UBA52: variants seen among roughly 807,000 people sequenced by gnomAD.
UBA52 encodes the protein ubiquitin A-52 residue ribosomal protein fusion product 1.
In UBA52, 1 loss-of-function variant was observed where a neutral mutation model predicts 15.3. The ratio of observed to expected loss-of-function variants is 0.07; its 90% confidence interval spans 0.02 to 0.31. UBA52 has a LOEUF of 0.31. UBA52 is among the 10% of genes least tolerant of loss of function. UBA52 has a pLI of 1.00. For missense variants in UBA52, 87 were observed against 168.0 expected, an observed-to-expected ratio of 0.52 and a Z score of 2.66; for synonymous variants, 50 against 58.3, an observed-to-expected ratio of 0.86 and a Z score of 0.65.
At position 18,573,761 on chromosome 19, in the gene UBA52, G is replaced by C; in HGVS notation, c.190+13G>C. Reference sequence around the variant, plus strand: ...AACATCCAGAAAGGTACCGGGGTTGGGGTTGCTGGGCAGGGACCCAAGATC... The same window carrying C: ...AACATCCAGAAAGGTACCGGGGTTGCGGTTGCTGGGCAGGGACCCAAGATC... On this transcript the variant is annotated intron_variant, in intron 3 of 4. Coordinates refer to ENST00000442744, the MANE Select transcript of UBA52 (RefSeq NM_001033930.3). 1 of 1,613,262 alleles carries C rather than the reference G, an allele frequency of 6.2e-7. No individual in the cohort carries two copies.
At chr19:18,568,812 G>A (rs1287356254), upstream of UBA52, 2 of 597,350 alleles carry the variant, frequency 3.3e-6, no homozygotes, top group Admixed American at 3.0e-5. Context: ...CTTTAATTCT[G>A]GCTCCTTCCT....
At chr19:18,569,258 C>T (rs1975404196), upstream of UBA52, 1 of 152,810 alleles carries the variant, frequency 6.5e-6, no homozygotes, top group South Asian at 2.1e-4. Flanking sequence ...TCTCTGAAGG[C>T]CTCCATGGAG....
chr19:18,574,650 A>AC (rs780668333), intron 3 of UBA52, among the ~76,000 whole-genome samples: 15 of 151,672 alleles, frequency 9.9e-5, no homozygotes, highest in Non-Finnish European at 2.2e-4. Flanking sequence ...TCAGTCTCAG[A>AC]CTCCCCCCAG....
rs1388258645 is a variant in UBA52, at chr19:18,574,984, C to G, written c.293+12C>G. 1.2e-6 allele frequency: 2 copies of G among 1,614,028 alleles called. No individual in the cohort carries two copies. Among genetic ancestry groups the G allele is most frequent in the African/African-American group, 2.7e-5 (2 of 74,880 alleles). ...ATGATCTGCCGCAAGTATGTGTGCT[C>G]CGATGCTTGGGGGGCTGTGGGGGCT... On this transcript the variant is annotated intron_variant, in intron 4 of 4. Transcript: ENST00000442744.
chr19:18,565,282 T>G, the UBA52 span: 1 of 958,674 alleles, frequency 1.0e-6, no homozygotes, highest in Non-Finnish European at 1.4e-6. Context: ...CAGGCTGGAG[T>G]GCAGTGGCGC....
upstream of UBA52, among the ~76,000 whole-genome samples, chr19:18,570,198 C>CTT (rs55896114): frequency 1.1e-3 from 156 of 148,162 alleles, 2 homozygotes; most frequent in Middle Eastern, 3.5e-3. Flanking sequence ...GTACTCAGCA[C>CTT]TTTTTTTTTT....
chr19:18,577,270 G>A lies in UBA52; in HGVS notation c.*2120G>A, dbSNP rs1203180893. On this transcript the variant is annotated 3_prime_UTR_variant, in exon 5 of 5. Transcript: ENST00000442744. The stretch of plus-strand genomic sequence containing the variant: ...TGAGTTCTTAACTGATCGAATGAAG[G>A]ATTCAAAATTAACCACTCCAAGGGG... 1 of 151,934 alleles carries A rather than the reference G, an allele frequency of 6.6e-6. No homozygotes were observed. Among genetic ancestry groups the A allele is most frequent in the African/African-American group, 2.4e-5 (1 of 41,330 alleles). The allele number at this position is 151,934 out of a possible 1,614,324, so 9.4% of individuals were successfully genotyped here.
intron 1 of UBA52, chr19:18,572,725 A>G (rs1161916814): frequency 1.1e-6 from 1 of 950,276 alleles, no homozygotes; most frequent in Non-Finnish European, 1.3e-6. Context: ...GGGTCAAGGC[A>G]AGAAGTGGGG....
rs1265125706 is a variant in UBA52 at position 18,575,769 on chromosome 19, CG to C, written c.*621del. On this transcript the variant is annotated 3_prime_UTR_variant, in exon 5 of 5. Transcript: ENST00000442744. ...GTTTGTTTGTTTGTTTGTTTTGAGA[CG>C]GAGTCTTGCTCTGTCGCCCAGGCTG... is the stretch of plus-strand genomic sequence containing the variant. The C allele has an allele frequency of 6.3e-6, 1 of 159,376 alleles. No individual in the cohort carries two copies. The highest frequency in any genetic ancestry group is 1.4e-5 in the Non-Finnish European group (1 of 73,162). The allele number at this position is 159,376 out of a possible 1,614,324, so 9.9% of individuals were successfully genotyped here.
the UBA52 span, among the ~76,000 whole-genome samples, chr19:18,565,523 C>T: frequency 2.0e-5 from 3 of 151,018 alleles, no homozygotes; most frequent in African/African-American, 7.3e-5. Flanking sequence ...TGAGCCACTG[C>T]GCCCGGCCGA....
At chr19:18,574,585 CT>C (rs1223517133) in intron 3 of UBA52, among the ~76,000 whole-genome samples, 1 of 152,176 alleles carries the variant, frequency 6.6e-6, no homozygotes, top group Non-Finnish European at 1.5e-5. Context: ...GCCTGAACCA[CT>C]TAGAGGTCGG....
chr19:18,567,552 C>G (rs2145259337), upstream of UBA52, among the ~76,000 whole-genome samples: 1 of 152,364 alleles, frequency 6.6e-6, no homozygotes, highest in South Asian at 2.1e-4. Context: ...CCATGTCCAG[C>G]TGTTACCCAC....
At position 18,575,442 on chromosome 19, in the gene UBA52, A is replaced by G. The variant is rs1600629411; in HGVS notation, c.*292A>G. 2.3e-6 allele frequency: 1 copy of G among 426,674 alleles called. No individual in the cohort carries two copies. The highest frequency in any genetic ancestry group is 4.9e-5 in the East Asian group (1 of 20,526). The allele number at this position is 426,674 out of a possible 1,614,324, so 26.4% of individuals were successfully genotyped here. On this transcript the variant is annotated 3_prime_UTR_variant, in exon 5 of 5. Coordinates refer to ENST00000442744, the MANE Select transcript of UBA52 (RefSeq NM_001033930.3). Reference sequence around the variant, plus strand: ...ACTGGAGTAAAAACCTCAGTCGTGTAATTGGTGGGACTGAGGATCAGTTTT... The same window carrying G: ...ACTGGAGTAAAAACCTCAGTCGTGTGATTGGTGGGACTGAGGATCAGTTTT...
upstream of UBA52, chr19:18,568,495 G>T: frequency 6.2e-7 from 1 of 1,614,088 alleles, no homozygotes. Context: ...CAGAGCACGG[G>T]CTCATGTGAC....
At chr19:18,568,602 A>G (rs758215169), upstream of UBA52, 1 of 1,612,360 alleles carries the variant, frequency 6.2e-7, no homozygotes, top group Non-Finnish European at 8.5e-7. Flanking sequence ...CCGCAGCCAG[A>G]CAGATGACGA....
the UBA52 span, among the ~76,000 whole-genome samples, chr19:18,565,531 C>T: frequency 3.3e-5 from 5 of 149,426 alleles, no homozygotes; most frequent in African/African-American, 5.0e-5. Flanking sequence ...TGCGCCCGGC[C>T]GAGACAGAGT....
Position 18,576,915 on chromosome 19 carries a change from GT to G in UBA52, c.*1766del, listed in dbSNP as rs1455304191. ...ACTACTGACCTCTTGTGATCTACCT[GT>G]CTTGGCCTTCCAAAGTGCTAGGATT... On this transcript the variant is annotated 3_prime_UTR_variant, in exon 5 of 5. Transcript: ENST00000442744. 1 of 149,820 alleles carries G rather than the reference GT, an allele frequency of 6.7e-6. No individual in the cohort carries two copies. Among genetic ancestry groups the G allele is most frequent in the Non-Finnish European group, 1.5e-5 (1 of 67,838 alleles). The allele number at this position is 149,820 out of a possible 1,614,324, so 9.3% of individuals were successfully genotyped here. A position where few individuals can be genotyped will look rare whatever the true frequency, so the allele number is the denominator to read the frequency against.
upstream of UBA52, among the ~76,000 whole-genome samples, chr19:18,570,667 A>G (rs548467328): frequency 1.3e-5 from 2 of 149,928 alleles, no homozygotes; most frequent in Non-Finnish European, 3.0e-5. Flanking sequence ...ACCCGCCACC[A>G]CACCTGAAAA....
rs1478377340 is a variant in UBA52 at position 18,573,372 on chromosome 19, G to A, written c.72G>A (p.Glu24=). The A allele has an allele frequency of 1.9e-6, 3 of 1,614,048 alleles. No individual in the cohort carries two copies. The highest frequency in any genetic ancestry group is 1.7e-6 in the Non-Finnish European group (2 of 1,180,028). ...TLEVEPSDTI[E]NVKAKIQDKE... Reference sequence around the variant, plus strand: ...AGGTCGAGCCCAGTGACACCATTGAGAATGTCAAAGCCAAAATTCAAGACA... The same window carrying A: ...AGGTCGAGCCCAGTGACACCATTGAAAATGTCAAAGCCAAAATTCAAGACA... The change falls in exon 2 of 5, where the codon GAG becomes GAA. Residue 24 remains glutamate, a synonymous_variant. Transcript: ENST00000442744.
Sources: allele counts gnomAD v4.1 joint callset (sites outside exome capture counted in the v4.1 genomes callset), GRCh38; gene constraint gnomAD v4.1.1; transcripts MANE v1.5; gene names NCBI Gene and HGNC (gene_info 2026-07-23, HGNC 2026-07-21).